The following IGF1R variants were observed in gnomAD, a reference collection of about 807,000 sequenced individuals.
IGF1R encodes insulin-like growth factor 1 receptor.
Under a neutral mutation model 144.6 loss-of-function variants are expected in IGF1R, and 44 were observed. The ratio of observed to expected loss-of-function variants is 0.30; its 90% CI spans 0.24 to 0.39. The LOEUF is 0.39. Ranked by LOEUF, IGF1R falls within the 10% of genes least tolerant of loss-of-function variation. The pLI is 1.00. For synonymous variants in IGF1R, 795 were observed against 722.8 expected (o/e 1.10, Z -1.60); for missense variants, 1,355 against 1,833.7 (o/e 0.74, Z 4.77).
intron 2 of IGF1R, among the ~76,000 whole-genome samples, chr15:98,848,727 C>T (rs1010144505): frequency 6.6e-6 from 1 of 152,084 alleles, no homozygotes; most frequent in Admixed American, 6.5e-5. Context: ...CCTTTGATTC[C>T]CCCCCATCCC....
At chr15:98,710,378 C>G (rs894733684) in intron 2 of IGF1R, among the ~76,000 whole-genome samples, 1 of 152,166 alleles carries the variant, frequency 6.6e-6, no homozygotes, top group Non-Finnish European at 1.5e-5. Context: ...TGAATCAGAA[C>G]TTCCTCTTGG....
At chr15:98,807,841 A>G (rs985910664) in intron 2 of IGF1R, among the ~76,000 whole-genome samples, 8 of 152,252 alleles carry the variant, frequency 5.3e-5, no homozygotes, top group Non-Finnish European at 1.0e-4. Flanking sequence ...CTGACATAGT[A>G]TAAGTTTAGA....
intron 2 of IGF1R, among the ~76,000 whole-genome samples, chr15:98,775,908 C>CA (rs2055701329): frequency 6.6e-6 from 1 of 152,186 alleles, no homozygotes; most frequent in Admixed American, 6.5e-5. Flanking sequence ...CAAATCTTTG[C>CA]AAATTAGGGA....
intron 2 of IGF1R, among the ~76,000 whole-genome samples, chr15:98,859,112 CT>C (rs1470645720): frequency 6.6e-6 from 1 of 151,426 alleles, no homozygotes; most frequent in East Asian, 1.9e-4. Context: ...TTTTTTTGGA[CT>C]TTTAGAAACA....
intron 2 of IGF1R, among the ~76,000 whole-genome samples, chr15:98,773,487 A>G (rs2141376533): frequency 6.6e-6 from 1 of 152,294 alleles, no homozygotes; most frequent in East Asian, 1.9e-4. Flanking sequence ...ACAAGGATTA[A>G]CACGGAGCAT....
intron 1 of IGF1R, among the ~76,000 whole-genome samples, chr15:98,655,952 C>T (rs1466520214): frequency 1.3e-5 from 2 of 152,194 alleles, no homozygotes; most frequent in Non-Finnish European, 2.9e-5. Flanking sequence ...CTCGGCCTCC[C>T]GGAGGGCTGG....
Position 98,964,204 on chromosome 15 carries a change from A to G in IGF1R, c.*6762A>G, listed in dbSNP as rs1054252176. ...AATGCATTTTCTGAGTTTTCTTGTT[A>G]AAAAAAAATTTTTTTAAGTAAGAAA... On this transcript the variant is annotated 3_prime_UTR_variant, in exon 21 of 21. Coordinates refer to ENST00000650285, the MANE Select transcript of IGF1R (RefSeq NM_000875.5). 1.3e-5 allele frequency: 3 copies of G among 228,800 alleles called. No homozygotes were observed. Among genetic ancestry groups the G allele is most frequent in the African/African-American group, 2.2e-5 (1 of 44,880 alleles). The allele number at this position is 228,800 out of a possible 1,614,324, so 14.2% of individuals were successfully genotyped here. A position where few individuals can be genotyped will look rare whatever the true frequency, so the allele number is the denominator to read the frequency against.
rs940646401 is a variant in IGF1R, at chr15:98,961,825, T to G, written c.*4383T>G. ...TGGAACGAGCCTCCTCCTTGGAAGA[T>G]GGAAGACCGTGTTCGTGGCCGACCT... On this transcript the variant is annotated 3_prime_UTR_variant, in exon 21 of 21. Coordinates refer to ENST00000650285, the MANE Select transcript of IGF1R (RefSeq NM_000875.5). The G allele has an allele frequency of 1.3e-5, 3 of 233,240 alleles. No individual in the cohort carries two copies. Among genetic ancestry groups the G allele is most frequent in the African/African-American group, 6.6e-5 (3 of 45,356 alleles). The allele number at this position is 233,240 out of a possible 1,614,324, so 14.4% of individuals were successfully genotyped here.
chr15:98,748,274 C>T (rs1223923473), intron 2 of IGF1R, among the ~76,000 whole-genome samples: 1 of 152,164 alleles, frequency 6.6e-6, no homozygotes, highest in Non-Finnish European at 1.5e-5. Context: ...TCAAGGGATC[C>T]TCCTTTTTCA....
intron 13 of IGF1R, among the ~76,000 whole-genome samples, chr15:98,925,203 T>C (rs2715428): frequency 0.56 from 85,366 of 151,788 alleles, 25,269 homozygotes; most frequent in African/African-American, 0.75. Flanking sequence ...CCTTTTAAAG[T>C]CCCCACATGC....
At position 98,692,058 on chromosome 15, in the gene IGF1R, G is replaced by C. The variant is rs185899301; in HGVS notation, c.95-15504G>C. Among the ~76,000 whole-genome samples, 123 of 152,250 alleles carry C rather than the reference G, an allele frequency of 8.1e-4. No individual in the cohort carries two copies. In the East Asian group the frequency reaches 0.021, roughly 26 times the overall value. Reference sequence around the variant, plus strand: ...TAAAAATATTTCTTTCTTTGGCCGGGCACAGAGTGGCTCATGCCTGTAATC... The same window carrying C: ...TAAAAATATTTCTTTCTTTGGCCGGCCACAGAGTGGCTCATGCCTGTAATC... On this transcript the variant is annotated intron_variant, in intron 1 of 20. Coordinates refer to ENST00000650285, the MANE Select transcript of IGF1R (RefSeq NM_000875.5).
intron 2 of IGF1R, among the ~76,000 whole-genome samples, chr15:98,843,269 A>G (rs1215240108): frequency 6.6e-6 from 1 of 152,198 alleles, no homozygotes; most frequent in African/African-American, 2.4e-5. Flanking sequence ...CATTGGTATT[A>G]GTGAAATTCC....
chr15:98,689,222 AC>A (rs1289290324), intron 1 of IGF1R, among the ~76,000 whole-genome samples: 2 of 147,756 alleles, frequency 1.4e-5, no homozygotes, highest in East Asian at 4.0e-4. Context: ...GCAGCTTTGG[AC>A]AGTTGCACTA....
chr15:98,723,927 A>C (rs144305861), intron 2 of IGF1R, among the ~76,000 whole-genome samples: 65 of 152,334 alleles, frequency 4.3e-4, no homozygotes, highest in African/African-American at 1.5e-3. Context: ...GTGTGCCCAG[A>C]AGCCAGAAGG....
In IGF1R at chr15:98,913,264, A is replaced by C. The variant is rs745430426; in HGVS notation, c.1810A>C (p.Ile604Leu). The change falls in exon 8 of 21, where the codon ATT (isoleucine) becomes CTT (leucine). Residue 604 changes from isoleucine (I) to leucine (L), a missense_variant. Coordinates refer to ENST00000650285, the MANE Select transcript of IGF1R (RefSeq NM_000875.5). ...TGGGGCCAAGAGTGAGATCTTGTAC[A>C]TTCGCACCAATGCTTCAGGTATCCA... ...IRGAKSEILY[I>L]RTNASVPSIP... 6.8e-6 allele frequency: 11 copies of C among 1,613,616 alleles called. No homozygotes were observed. The highest frequency in any genetic ancestry group is 1.3e-5 in the African/African-American group (1 of 74,930).
At chr15:98,835,015 A>T (rs1193281409) in intron 2 of IGF1R, among the ~76,000 whole-genome samples, 1 of 151,816 alleles carries the variant, frequency 6.6e-6, no homozygotes, top group Non-Finnish European at 1.5e-5. Context: ...AGTGAAAAGG[A>T]ATAGGATCCT....
At chr15:98,800,508 A>AT (rs1237295253) in intron 2 of IGF1R, among the ~76,000 whole-genome samples, 1 of 152,176 alleles carries the variant, frequency 6.6e-6, no homozygotes, top group Non-Finnish European at 1.5e-5. Context: ...GATTAAAAAA[A>AT]AATAAAATGT....
At chr15:98,661,956 C>CT (rs869208651) in intron 1 of IGF1R, among the ~76,000 whole-genome samples, 2,857 of 105,556 alleles carry the variant, frequency 0.027, 254 homozygotes, top group African/African-American at 0.05. Context: ...GAATAGGGCC[C>CT]TTTTTTTTTT....
intron 2 of IGF1R, among the ~76,000 whole-genome samples, chr15:98,812,517 C>T (rs566562558): frequency 5.9e-5 from 9 of 151,922 alleles, no homozygotes; most frequent in South Asian, 2.1e-4. Context: ...CCACCATGCC[C>T]GGCTAATTTT....
Sources: allele counts gnomAD v4.1 joint callset (sites outside exome capture counted in the v4.1 genomes callset), GRCh38; gene constraint gnomAD v4.1.1; transcripts MANE v1.5; gene names NCBI Gene and HGNC (gene_info 2026-07-23, HGNC 2026-07-21).